Variants in ZMAT3 observed in about 807,000 individuals in gnomAD.
The protein encoded by ZMAT3 is zinc finger matrin-type protein 3.
ZMAT3 carries 17 observed loss-of-function variants against 32.3 expected under a neutral mutation model. The observed-to-expected ratio is 0.53, with a 90% CI of 0.36 to 0.79. ZMAT3 has a LOEUF of 0.79. Among genes scored for constraint, ZMAT3 ranks in the 30% least tolerant of loss-of-function variants. ZMAT3 has a pLI of 0.00. For synonymous variants in ZMAT3, 120 were observed against 133.1 expected, an observed-to-expected ratio of 0.90 and a Z score of 0.68; for missense variants, 329 against 359.7, an observed-to-expected ratio of 0.91 and a Z score of 0.69.
intron 2 of ZMAT3, among the ~76,000 whole-genome samples, chr3:179,043,165 T>C (rs1720045761): frequency 1.3e-5 from 2 of 152,178 alleles, no homozygotes; most frequent in Admixed American, 1.3e-4. Flanking sequence ...AATTTATAGA[T>C]TAAATGCCAT....
rs779680149 is a variant in ZMAT3, at chr3:179,046,179, G to A, written c.271-15180C>T. 3.3e-5 allele frequency among the ~76,000 whole-genome samples: 5 copies of A among 152,184 alleles called. No individual in the cohort carries two copies. The highest frequency in any genetic ancestry group is 4.8e-5 in the African/African-American group (2 of 41,428). ...CAGAAGAACAGCTGATACAGGAGCT[G>A]AAGAGCATGACTACAGGAACACAGT... On this transcript the variant is annotated intron_variant, in intron 2 of 5. Coordinates refer to ENST00000311417, the MANE Select transcript of ZMAT3 (RefSeq NM_022470.4). This position sits in a 1 kb window ranked among gnomAD's most constrained non-coding sequence, Gnocchi z 4.3.
At chr3:179,039,822 A>C (rs1013271908) in intron 2 of ZMAT3, among the ~76,000 whole-genome samples, 7 of 152,320 alleles carry the variant, frequency 4.6e-5, no homozygotes, top group Middle Eastern at 3.4e-3. Context: ...AAGGAAGCTA[A>C]AAACCTTGAA....
At position 179,067,533 on chromosome 3, in the gene ZMAT3, G is replaced by C. The variant is rs1721477693; in HGVS notation, c.220C>G (p.Leu74Val). The C allele has an allele frequency of 6.2e-7, 1 of 1,614,232 alleles. No homozygotes were observed. Among genetic ancestry groups the C allele is most frequent in the East Asian group, 2.2e-5 (1 of 44,892 alleles). The change falls in exon 2 of 6, where the codon CTC (leucine) becomes GTC (valine). Residue 74 changes from leucine (L) to valine (V), a missense_variant. Coordinates refer to ENST00000311417, the MANE Select transcript of ZMAT3 (RefSeq NM_022470.4). ...GCAGAGTTCAAGGTGACATTGCAGA[G>C]TTTGCAGTACAGGGGCTTACATAGC... ...EELCKPLYCK[L>V]CNVTLNSAQQ...
intron 2 of ZMAT3, among the ~76,000 whole-genome samples, chr3:179,052,718 T>C (rs554305719): frequency 6.6e-6 from 1 of 152,178 alleles, no homozygotes; most frequent in South Asian, 2.1e-4. Flanking sequence ...ACCAGCACAA[T>C]TTGCAACTGA....
intron 2 of ZMAT3, among the ~76,000 whole-genome samples, chr3:179,056,517 G>T (rs961813817): frequency 6.6e-6 from 1 of 152,130 alleles, no homozygotes; most frequent in Non-Finnish European, 1.5e-5. Flanking sequence ...TTACGTCAAG[G>T]GAATCACTGG....
intron 1 of ZMAT3, among the ~76,000 whole-genome samples, chr3:179,069,488 C>T (rs375472983): frequency 6.6e-5 from 10 of 152,170 alleles, no homozygotes; most frequent in South Asian, 4.1e-4. Context: ...ATTATTAAAA[C>T]CTCTTCTCTT....
At chr3:179,060,634 A>C (rs1423475510) in intron 2 of ZMAT3, among the ~76,000 whole-genome samples, 3 of 152,034 alleles carry the variant, frequency 2.0e-5, no homozygotes, top group Non-Finnish European at 4.4e-5. Flanking sequence ...ACAGAGTGAG[A>C]CTCTGTCTCA....
chr3:179,028,984 A>C (rs1719034141), intron 3 of ZMAT3, among the ~76,000 whole-genome samples: 1 of 151,906 alleles, frequency 6.6e-6, no homozygotes. Context: ...ACATGACAAA[A>C]CCCTGTCTCT....
chr3:179,028,932 G>T (rs1227993527), intron 3 of ZMAT3, among the ~76,000 whole-genome samples: 2 of 152,148 alleles, frequency 1.3e-5, no homozygotes, highest in Admixed American at 6.5e-5. Flanking sequence ...GGCCGAGGCA[G>T]GTGGATCACC....
chr3:179,031,934 TCCCTCCCCCTCC>T (rs1560085554), intron 2 of ZMAT3, among the ~76,000 whole-genome samples: 1 of 5,016 alleles, frequency 2.0e-4, no homozygotes, highest in Non-Finnish European at 3.4e-4. Flanking sequence ...ACTCTCCCTC[TCCCTCCCCCTCC>T]CCCTCCCCCT....
At chr3:179,067,945 G>T in intron 1 of ZMAT3, 136 bp from the exon 2 acceptor site, 1 of 796,858 alleles carries the variant, frequency 1.3e-6, no homozygotes, top group Non-Finnish European at 1.9e-6. Flanking sequence ...CTTTCCTTTG[G>T]CCTCATTTAG....
Position 179,019,986 on chromosome 3 carries a change from GA to G in ZMAT3, c.*5030del, listed in dbSNP as rs1309772495. On this transcript the variant is annotated 3_prime_UTR_variant, in exon 6 of 6. Transcript: ENST00000311417. ...TGATCTCTGACTTCTGCCAGCTTGG[GA>G]AAACTGGATTCATTTTCAGAATGTA... 6.6e-6 allele frequency: 1 copy of G among 152,044 alleles called. No individual in the cohort carries two copies. The highest frequency in any genetic ancestry group is 1.9e-4 in the East Asian group (1 of 5,188). 9.4% of individuals were successfully genotyped at this position (152,044 alleles called of 1,614,324 possible).
chr3:179,065,630 AC>A (rs1398256562), intron 2 of ZMAT3, among the ~76,000 whole-genome samples: 1 of 152,230 alleles, frequency 6.6e-6, no homozygotes, highest in African/African-American at 2.4e-5. Flanking sequence ...ATAAAAGTAA[AC>A]AACTCTTCCT....
At chr3:179,033,696 T>A (rs972923795) in intron 2 of ZMAT3, among the ~76,000 whole-genome samples, 1 of 152,230 alleles carries the variant, frequency 6.6e-6, no homozygotes, top group African/African-American at 2.4e-5. Flanking sequence ...AAATGGATAA[T>A]CCAATTATTC....
chr3:179,029,827 A>G (rs780384559), intron 3 of ZMAT3, among the ~76,000 whole-genome samples: 12 of 152,180 alleles, frequency 7.9e-5, no homozygotes, highest in Non-Finnish European at 1.5e-4. Context: ...ATATTGTATT[A>G]AATATCTATC....
intron 2 of ZMAT3, among the ~76,000 whole-genome samples, chr3:179,049,884 C>T (rs540071222): frequency 4.7e-5 from 7 of 150,202 alleles, no homozygotes; most frequent in Non-Finnish European, 7.4e-5. Context: ...CTCAGCTACT[C>T]GGGAGGCTGA....
rs937469795 is a variant in ZMAT3 at position 179,023,480 on chromosome 3, A to G, written c.*1537T>C. On this transcript the variant is annotated 3_prime_UTR_variant, in exon 6 of 6. Coordinates refer to ENST00000311417, the MANE Select transcript of ZMAT3 (RefSeq NM_022470.4). The stretch of plus-strand genomic sequence containing the variant: ...TCTGTGTATAAAACAGCAGGTGGTG[A>G]TATTTTTCAGGATGGCCACCAGACT... The G allele has an allele frequency of 2.7e-5, 4 of 150,888 alleles. No homozygotes were observed. Among genetic ancestry groups the G allele is most frequent in the Admixed American group, 6.6e-5 (1 of 15,114 alleles). 9.3% of individuals were successfully genotyped at this position (150,888 alleles called of 1,614,324 possible). A position where few individuals can be genotyped will look rare whatever the true frequency, so the allele number is the denominator to read the frequency against.
chr3:179,026,574 C>T (rs180902083), intron 5 of ZMAT3, among the ~76,000 whole-genome samples: 69 of 151,906 alleles, frequency 4.5e-4, no homozygotes, highest in African/African-American at 1.6e-3. Flanking sequence ...TCAGTAGACA[C>T]GGGGTTTCAC....
At position 179,056,510 on chromosome 3, in the gene ZMAT3, C is replaced by T. The variant is rs143412034; in HGVS notation, c.270+10973G>A. ...GCCGCCCCCTTGTCCATGCCCCTTA[C>T]GTCAAGGGAATCACTGGAAGGCCCA... is the stretch of plus-strand genomic sequence containing the variant. On this transcript the variant is annotated intron_variant, in intron 2 of 5. Transcript: ENST00000311417. Among the ~76,000 whole-genome samples, 980 of 152,256 alleles carry T rather than the reference C, an allele frequency of 6.4e-3. 7 individuals carry two copies. Among genetic ancestry groups the T allele is most frequent in the African/African-American group, 0.022 (904 of 41,536 alleles).
Sources: gnomAD v4.1 joint callset for allele counts (sites outside exome capture counted in the v4.1 genomes callset) on GRCh38, gnomAD v4.1.1 for gene constraint, Gnocchi (gnomAD v3.1) non-coding constraint, MANE v1.5 for transcripts, NCBI Gene and HGNC (gene_info 2026-07-23, HGNC 2026-07-21) for gene names.